The following SLC9A9 variants were observed in gnomAD, a reference collection of about 807,000 sequenced individuals.
SLC9A9 encodes solute carrier family 9 member A9.
A neutral mutation model predicts 77.8 loss-of-function variants in SLC9A9; 62 were observed. That is an observed-to-expected ratio of 0.80 (90% CI 0.65 to 0.98). SLC9A9 has a LOEUF of 0.98. Among genes scored for constraint, SLC9A9 ranks in the 50% least tolerant of loss-of-function variants. SLC9A9 has a pLI of 0.00. For missense variants in SLC9A9, 775 were observed against 774.9 expected (o/e 1.00, Z 0.00); for synonymous variants, 320 against 283.5 (o/e 1.13, Z -1.29).
At chr3:143,412,612 C>T (rs1223905480) in intron 12 of SLC9A9, among the ~76,000 whole-genome samples, 3 of 152,178 alleles carry the variant, frequency 2.0e-5, no homozygotes, top group Non-Finnish European at 4.4e-5. Flanking sequence ...CTGTCTCTGA[C>T]TTTTGGAATT....
chr3:143,543,389 T>C (rs2036720983), intron 9 of SLC9A9, among the ~76,000 whole-genome samples: 1 of 152,134 alleles, frequency 6.6e-6, no homozygotes, highest in African/African-American at 2.4e-5. Context: ...CTTTTTTTTT[T>C]TTTCTTCTAT....
intron 4 of SLC9A9, among the ~76,000 whole-genome samples, chr3:143,763,595 T>G (rs1401698159): frequency 6.6e-6 from 1 of 152,172 alleles, no homozygotes; most frequent in East Asian, 1.9e-4. Context: ...TAAAAACCTT[T>G]GAAGAACTTG....
intron 12 of SLC9A9, among the ~76,000 whole-genome samples, chr3:143,448,538 A>G (rs2034887635): frequency 6.6e-6 from 1 of 152,074 alleles, no homozygotes; most frequent in Admixed American, 6.6e-5. Flanking sequence ...TCATGGAGTA[A>G]TAAGAAAACA....
intron 14 of SLC9A9, among the ~76,000 whole-genome samples, chr3:143,300,934 C>G (rs114587522): frequency 6.6e-6 from 1 of 152,186 alleles, no homozygotes; most frequent in Non-Finnish European, 1.5e-5. Context: ...AAATAAGAAC[C>G]TTTTAAACCT....
At chr3:143,505,921 A>T (rs1345776326) in intron 9 of SLC9A9, among the ~76,000 whole-genome samples, 2 of 152,212 alleles carry the variant, frequency 1.3e-5, no homozygotes, top group East Asian at 3.8e-4. Context: ...TAATTACTTT[A>T]GCCAGTAAAT....
chr3:143,732,637 G>A (rs1464785811), intron 4 of SLC9A9, among the ~76,000 whole-genome samples: 3 of 152,204 alleles, frequency 2.0e-5, no homozygotes, highest in East Asian at 1.9e-4. Flanking sequence ...TTGCTTAAAT[G>A]TTTAATGTGC....
intron 6 of SLC9A9, among the ~76,000 whole-genome samples, chr3:143,644,468 G>A (rs2038671683): frequency 6.6e-6 from 1 of 152,202 alleles, no homozygotes; most frequent in African/African-American, 2.4e-5. Flanking sequence ...TCAAGTCCCA[G>A]TAATCTGAAC....
At chr3:143,659,306 T>A (rs2038944842) in intron 5 of SLC9A9, among the ~76,000 whole-genome samples, 1 of 151,994 alleles carries the variant, frequency 6.6e-6, no homozygotes, top group Admixed American at 6.5e-5. Context: ...GGTAAAAATA[T>A]CACTGTGACC....
At chr3:143,655,569 C>A (rs1199359335) in intron 5 of SLC9A9, 1 of 985,020 alleles carries the variant, frequency 1.0e-6, no homozygotes, top group Non-Finnish European at 1.2e-6. Context: ...CTCTACATAC[C>A]CTCTTCTTAC....
chr3:143,438,902 C>T (rs370736677), intron 12 of SLC9A9, among the ~76,000 whole-genome samples: 3 of 152,280 alleles, frequency 2.0e-5, no homozygotes, highest in African/African-American at 7.2e-5. Flanking sequence ...ATCCAAGAGC[C>T]CAGGGCTTTT....
intron 14 of SLC9A9, among the ~76,000 whole-genome samples, chr3:143,353,669 G>A (rs2032520720): frequency 6.6e-6 from 1 of 152,056 alleles, no homozygotes; most frequent in Admixed American, 6.6e-5. Flanking sequence ...TTGGTGGCTG[G>A]TGCCACCAAT....
rs185951750 is a variant in SLC9A9, at chr3:143,498,764, C to G, written c.1090-3316G>C. Among the ~76,000 whole-genome samples, 386 of 152,238 alleles carry G rather than the reference C, an allele frequency of 2.5e-3. 1 individual carries two copies. The highest frequency in any genetic ancestry group is 8.6e-3 in the African/African-American group (358 of 41,542). On this transcript the variant is annotated intron_variant, in intron 9 of 15. Coordinates refer to ENST00000316549, the MANE Select transcript of SLC9A9 (RefSeq NM_173653.4). ...GATTTAACTACTATTAGCACCTCTACCACCACAAATTAGCTTTTCTTGTTT... is the reference window on the plus strand; with the variant it reads ...GATTTAACTACTATTAGCACCTCTAGCACCACAAATTAGCTTTTCTTGTTT...
chr3:143,511,344 A>G (rs2036112817), intron 9 of SLC9A9, among the ~76,000 whole-genome samples: 1 of 152,104 alleles, frequency 6.6e-6, no homozygotes, highest in African/African-American at 2.4e-5. Context: ...GTGTTCTCCT[A>G]GTTAATTATT....
chr3:143,536,443 C>T (rs2036589562), intron 9 of SLC9A9, among the ~76,000 whole-genome samples: 1 of 152,192 alleles, frequency 6.6e-6, no homozygotes, highest in South Asian at 2.1e-4. Context: ...TAAATATTAA[C>T]CAAATTTGTA....
chr3:143,352,713 A>G (rs2032493356), intron 14 of SLC9A9, among the ~76,000 whole-genome samples: 1 of 152,250 alleles, frequency 6.6e-6, no homozygotes, highest in African/African-American at 2.4e-5. Flanking sequence ...ACTCATTTAT[A>G]TTGGGAACAC....
intron 12 of SLC9A9, among the ~76,000 whole-genome samples, chr3:143,387,094 G>C (rs1306749877): frequency 1.3e-5 from 2 of 152,142 alleles, no homozygotes; most frequent in Non-Finnish European, 2.9e-5. Context: ...ATCCACCTAG[G>C]CTTCCCAAAG....
At chr3:143,554,872 G>C (rs767550228) in intron 8 of SLC9A9, among the ~76,000 whole-genome samples, 6 of 152,168 alleles carry the variant, frequency 3.9e-5, no homozygotes, top group Non-Finnish European at 8.8e-5. Flanking sequence ...TATCTGTTTA[G>C]ATGTTACATG....
chr3:143,409,954 A>T (rs112252006), intron 12 of SLC9A9, among the ~76,000 whole-genome samples: 73 of 152,326 alleles, frequency 4.8e-4, no homozygotes, highest in African/African-American at 1.6e-3. Flanking sequence ...ACAGTCATTG[A>T]ACAGCAACTG....
At chr3:143,551,027 A>G (rs1030128832) in intron 9 of SLC9A9, among the ~76,000 whole-genome samples, 1 of 152,216 alleles carries the variant, frequency 6.6e-6, no homozygotes, top group Non-Finnish European at 1.5e-5. Flanking sequence ...AGGTCATACC[A>G]GAGTATGGTA....
Sources: gnomAD v4.1 joint callset for allele counts (sites outside exome capture counted in the v4.1 genomes callset) on GRCh38, gnomAD v4.1.1 for gene constraint, MANE v1.5 for transcripts, NCBI Gene and HGNC (gene_info 2026-07-23, HGNC 2026-07-21) for gene names.